Variants in FGGY observed in about 807,000 individuals in gnomAD.
The protein encoded by FGGY is FGGY carbohydrate kinase domain containing, also known as FGGY carbohydrate kinase domain-containing protein.
A neutral mutation model predicts 71.3 loss-of-function variants in FGGY; 72 were observed. The observed-to-expected ratio is 1.01, with a 90% CI of 0.84 to 1.23. The LOEUF is 1.23. FGGY is among the 50% of genes most tolerant of loss of function. The pLI is 0.00. For missense variants in FGGY, 668 were observed against 682.3 expected (o/e 0.98, Z 0.23); for synonymous variants, 251 against 250.3 (o/e 1.00, Z -0.02).
intron 1 of FGGY, among the ~76,000 whole-genome samples, chr1:59,300,513 A>G (rs1428582634): frequency 6.6e-6 from 1 of 152,218 alleles, no homozygotes; most frequent in Non-Finnish European, 1.5e-5. Flanking sequence ...AAATGTTACC[A>G]ATCTGAATTA....
chr1:59,526,232 A>T (rs1264764304), intron 7 of FGGY, among the ~76,000 whole-genome samples: 1 of 152,210 alleles, frequency 6.6e-6, no homozygotes, highest in Non-Finnish European at 1.5e-5. Flanking sequence ...GTCCTGATTA[A>T]AGTGATGGAA....
chr1:59,630,417 C>G (rs932904345), intron 10 of FGGY, among the ~76,000 whole-genome samples: 2 of 152,116 alleles, frequency 1.3e-5, no homozygotes, highest in African/African-American at 4.8e-5. Context: ...CATGGAGGAA[C>G]AGCAAGGACA....
chr1:59,736,865 A>G (rs1295257815), intron 14 of FGGY, among the ~76,000 whole-genome samples: 3 of 152,238 alleles, frequency 2.0e-5, no homozygotes, highest in Non-Finnish European at 4.4e-5. Context: ...AATGGGGAAA[A>G]TGTCTCCAGG....
chr1:59,636,692 T>C (rs1250688267), intron 10 of FGGY, among the ~76,000 whole-genome samples: 1 of 151,876 alleles, frequency 6.6e-6, no homozygotes, highest in Admixed American at 6.6e-5. Context: ...AAAAAGAGAA[T>C]TTAAAAATCA....
At chr1:59,391,752 C>T (rs1257242017) in intron 5 of FGGY, among the ~76,000 whole-genome samples, 1 of 152,220 alleles carries the variant, frequency 6.6e-6, no homozygotes, top group African/African-American at 2.4e-5. Flanking sequence ...TCTAGCATGA[C>T]TGTCATTTTC....
At position 59,389,314 on chromosome 1, in the gene FGGY, T is replaced by G. The variant is rs2060431132; in HGVS notation, c.554+10477T>G. Among the ~76,000 whole-genome samples, 4 of 152,224 alleles carry G rather than the reference T, an allele frequency of 2.6e-5. No individual in the cohort carries two copies. The South Asian group carries it at 8.3e-4, about 31-fold the overall frequency. ...TCCAGATACCCCATTTAAGTAGACTTATATAGTATTTATCCTTTTGCGTCT... is the reference window on the plus strand; with the variant it reads ...TCCAGATACCCCATTTAAGTAGACTGATATAGTATTTATCCTTTTGCGTCT... On this transcript the variant is annotated intron_variant, in intron 5 of 15. Transcript: ENST00000303721.
intron 4 of FGGY, among the ~76,000 whole-genome samples, chr1:59,371,421 A>G (rs190464832): frequency 6.6e-6 from 1 of 151,634 alleles, no homozygotes; most frequent in Non-Finnish European, 1.5e-5. Context: ...TCCTTAGAGA[A>G]CTACAAAGAG....
chr1:59,583,853 T>G (rs1558432107), intron 8 of FGGY, among the ~76,000 whole-genome samples: 1 of 142,348 alleles, frequency 7.0e-6, no homozygotes, highest in Non-Finnish European at 1.5e-5. Flanking sequence ...AGATGAGACC[T>G]GTTTTGAATG....
intron 7 of FGGY, among the ~76,000 whole-genome samples, chr1:59,539,208 A>G (rs1236765355): frequency 1.3e-5 from 2 of 152,202 alleles, no homozygotes; most frequent in East Asian, 1.9e-4. Flanking sequence ...CGGTTGTTCT[A>G]TAGATTCAGT....
At chr1:59,585,278 G>C (rs2096265421) in intron 8 of FGGY, among the ~76,000 whole-genome samples, 2 of 152,084 alleles carry the variant, frequency 1.3e-5, no homozygotes, top group African/African-American at 4.8e-5. Context: ...TATACTACCA[G>C]GCTACAGGAA....
intron 5 of FGGY, among the ~76,000 whole-genome samples, chr1:59,422,900 T>G (rs2065707171): frequency 6.6e-6 from 1 of 152,204 alleles, no homozygotes; most frequent in South Asian, 2.1e-4. Flanking sequence ...AACCTTGGCA[T>G]GCAATGATTA....
Position 59,446,364 on chromosome 1 carries a change from G to A in FGGY, c.555-10597G>A, listed in dbSNP as rs146437427. 3.4e-3 allele frequency among the ~76,000 whole-genome samples: 518 copies of A among 151,996 alleles called. 3 individuals are homozygous for A. Among genetic ancestry groups the A allele is most frequent in the African/African-American group, 0.011 (452 of 41,422 alleles). On this transcript the variant is annotated intron_variant, in intron 5 of 15. Coordinates refer to ENST00000303721, the MANE Select transcript of FGGY (RefSeq NM_018291.5). ...ATGGCCACGTTTGAATCATGTTATCGGCAAGTCTGACCGAAAAAGCAATTT... is the reference window on the plus strand; with the variant it reads ...ATGGCCACGTTTGAATCATGTTATCAGCAAGTCTGACCGAAAAAGCAATTT...
At chr1:59,479,722 G>A (rs766010309) in intron 6 of FGGY, among the ~76,000 whole-genome samples, 4 of 152,090 alleles carry the variant, frequency 2.6e-5, no homozygotes, top group Non-Finnish European at 4.4e-5. Flanking sequence ...ACAGAGGATC[G>A]GGGAAAAGAT....
chr1:59,733,769 C>G (rs774145626), intron 14 of FGGY, among the ~76,000 whole-genome samples: 2 of 152,196 alleles, frequency 1.3e-5, no homozygotes, highest in Non-Finnish European at 2.9e-5. Context: ...TGCACACAGC[C>G]GTAAGGACAA....
chr1:59,379,530 G>A (rs964201565), intron 5 of FGGY, among the ~76,000 whole-genome samples: 1 of 152,114 alleles, frequency 6.6e-6, no homozygotes, highest in African/African-American at 2.4e-5. Context: ...AAGTTTCTCT[G>A]GGTGAGTCAG....
chr1:59,439,179 A>G (rs79459022), intron 5 of FGGY, among the ~76,000 whole-genome samples: 1,778 of 152,210 alleles, frequency 0.012, 33 homozygotes, highest in African/African-American at 0.04. Context: ...ACTGAATGGG[A>G]CTGTGTCTTG....
At chr1:59,372,286 C>T (rs192950611) in intron 4 of FGGY, among the ~76,000 whole-genome samples, 4,320 of 152,180 alleles carry the variant, frequency 0.028, 224 homozygotes, top group African/African-American at 0.098. Flanking sequence ...AACACCTCTA[C>T]GCAAATAAAC....
chr1:59,547,938 TAGTG>T (rs944718509), intron 7 of FGGY, among the ~76,000 whole-genome samples: 3 of 152,192 alleles, frequency 2.0e-5, no homozygotes, highest in Non-Finnish European at 2.9e-5. Context: ...CAACAAAAAA[TAGTG>T]AGCTACTGCA....
intron 14 of FGGY, among the ~76,000 whole-genome samples, chr1:59,726,147 AT>A (rs990822264): frequency 5.7e-4 from 87 of 151,978 alleles, no homozygotes; most frequent in Admixed American, 2.2e-3. Flanking sequence ...TGATTGTTAG[AT>A]TTTTTTGAAA....
Sources: gnomAD v4.1 joint callset for allele counts (sites outside exome capture counted in the v4.1 genomes callset) on GRCh38, gnomAD v4.1.1 for gene constraint, MANE v1.5 for transcripts, NCBI Gene and HGNC (gene_info 2026-07-23, HGNC 2026-07-21) for gene names.